Variants in ADGRB3 observed in about 807,000 individuals in gnomAD.
ADGRB3 encodes adhesion G protein-coupled receptor B3, also known as brain-specific angiogenesis inhibitor 3.
ADGRB3 carries 37 observed loss-of-function variants against 193.4 expected under a neutral mutation model. That is an observed-to-expected ratio of 0.19 (90% CI 0.15 to 0.25). The LOEUF is 0.25. ADGRB3 is among the 10% of genes least tolerant of loss of function. The pLI is 1.00. For synonymous variants in ADGRB3, 690 were observed against 644.2 expected (o/e 1.07, Z -1.08); for missense variants, 1,637 against 1,852.9 (o/e 0.88, Z 2.14).
At chr6:68,951,127 A>G (rs1218087545) in intron 6 of ADGRB3, among the ~76,000 whole-genome samples, 1 of 152,214 alleles carries the variant, frequency 6.6e-6, no homozygotes, top group East Asian at 1.9e-4. Flanking sequence ...TTTATTGCCA[A>G]AAATGAGACA....
chr6:68,920,301 T>C (rs2150241828), intron 3 of ADGRB3, among the ~76,000 whole-genome samples: 1 of 152,126 alleles, frequency 6.6e-6, no homozygotes, highest in South Asian at 2.1e-4. Flanking sequence ...GTGGATCACC[T>C]GAGGTCAGGA....
intron 4 of ADGRB3, among the ~76,000 whole-genome samples, chr6:68,935,444 AG>A (rs929853723): frequency 1.8e-4 from 28 of 152,334 alleles, no homozygotes; most frequent in Middle Eastern, 6.8e-3. Flanking sequence ...TCTATTCCAA[AG>A]GCAAATTATA....
rs1354674172 is a variant in ADGRB3 at position 68,772,892 on chromosome 6, AAAATATATATATATATATAT to A, written c.757+133462_757+133481del. On this transcript the variant is annotated intron_variant, in intron 3 of 31. Transcript: ENST00000370598. The stretch of plus-strand genomic sequence containing the variant: ...AAACAAACAAACAAACAAAAAAAAA[AAAATATATATATATATATAT>A]ATATATATATATATATATATACATA... Among the ~76,000 whole-genome samples the A allele has an allele frequency of 8.5e-3, 261 of 30,564 alleles. 3 individuals are homozygous for A. The highest frequency in any genetic ancestry group is 0.041 in the African/African-American group (250 of 6,166). The allele number at this position is 30,564 out of a possible 152,430, so 20.1% of individuals were successfully genotyped here.
At chr6:69,040,753 T>C (rs1771042393) in intron 13 of ADGRB3, among the ~76,000 whole-genome samples, 1 of 142,612 alleles carries the variant, frequency 7.0e-6, no homozygotes, top group African/African-American at 2.6e-5. Flanking sequence ...AATTTACAAG[T>C]TTATTTACCA....
At chr6:68,732,559 C>G (rs1765793676) in intron 3 of ADGRB3, among the ~76,000 whole-genome samples, 1 of 151,804 alleles carries the variant, frequency 6.6e-6, no homozygotes, top group African/African-American at 2.4e-5. Flanking sequence ...AAACAGGAAG[C>G]CTGAGAAATG....
At chr6:69,211,985 G>C (rs958208615) in intron 17 of ADGRB3, among the ~76,000 whole-genome samples, 1 of 152,068 alleles carries the variant, frequency 6.6e-6, no homozygotes, top group Non-Finnish European at 1.5e-5. Flanking sequence ...ATAAGCTCAA[G>C]TTTATACTTT....
At chr6:69,260,919 A>T (rs1277004734) in intron 20 of ADGRB3, among the ~76,000 whole-genome samples, 1 of 152,184 alleles carries the variant, frequency 6.6e-6, no homozygotes, top group Non-Finnish European at 1.5e-5. Flanking sequence ...ATCTCTCTGC[A>T]AATGGACCAA....
At chr6:68,681,399 C>T (rs1764893546) in intron 3 of ADGRB3, among the ~76,000 whole-genome samples, 1 of 152,100 alleles carries the variant, frequency 6.6e-6, no homozygotes, top group African/African-American at 2.4e-5. Flanking sequence ...CCCACCTCAG[C>T]CCCCCATGCA....
At chr6:69,249,071 G>A (rs773640093) in intron 20 of ADGRB3, among the ~76,000 whole-genome samples, 8 of 152,200 alleles carry the variant, frequency 5.3e-5, no homozygotes, top group Admixed American at 1.3e-4. Context: ...TCCGCCTCCC[G>A]GGTTCAAGCA....
chr6:68,798,663 C>CCCAG (rs1767258024), intron 3 of ADGRB3, among the ~76,000 whole-genome samples: 1 of 152,036 alleles, frequency 6.6e-6, no homozygotes, highest in Non-Finnish European at 1.5e-5. Flanking sequence ...GCACGTGTAC[C>CCCAG]CCAGAACTTA....
chr6:69,327,782 T>G lies in ADGRB3; in HGVS notation c.2966-38T>G, dbSNP rs541789943. On this transcript the variant is annotated intron_variant, in intron 21 of 31. Transcript: ENST00000370598. Reference sequence around the variant, plus strand: ...CTTAGACCAGTATGCATAGTGGTTATAGCTAAATATGAATGCGTGACATTG... The same window carrying G: ...CTTAGACCAGTATGCATAGTGGTTAGAGCTAAATATGAATGCGTGACATTG... 6 of 1,591,322 alleles carry G rather than the reference T, an allele frequency of 3.8e-6. No individual in the cohort carries two copies. In the South Asian group the frequency reaches 6.7e-5, roughly 18 times the overall value.
rs185047093 is a variant in ADGRB3, at chr6:69,238,754, A to G, written c.2712-370A>G. On this transcript the variant is annotated intron_variant, in intron 19 of 31. Coordinates refer to ENST00000370598, the MANE Select transcript of ADGRB3 (RefSeq NM_001704.3). ...TAATGCTAAACATACATACACACAT[A>G]CACACACACGTATATAAAGGTATTA... 2.6e-5 allele frequency among the ~76,000 whole-genome samples: 4 copies of G among 152,050 alleles called. No individual in the cohort carries two copies. In the East Asian group the frequency reaches 7.7e-4, roughly 29 times the overall value.
intron 17 of ADGRB3, among the ~76,000 whole-genome samples, chr6:69,171,000 G>T (rs1447503800): frequency 1.3e-5 from 2 of 152,046 alleles, no homozygotes; most frequent in African/African-American, 4.8e-5. Flanking sequence ...AAAGAAAAAA[G>T]TTATTTTAAA....
chr6:68,856,722 G>A (rs1764995647), intron 3 of ADGRB3, among the ~76,000 whole-genome samples: 3 of 152,190 alleles, frequency 2.0e-5, no homozygotes, highest in Non-Finnish European at 4.4e-5. Flanking sequence ...CATTTTCTGG[G>A]GAGAAATTCA....
chr6:69,206,977 C>A (rs1765552788), intron 17 of ADGRB3, among the ~76,000 whole-genome samples: 2 of 152,166 alleles, frequency 1.3e-5, no homozygotes, highest in South Asian at 4.1e-4. Context: ...CCAAGAGACA[C>A]CCTAAAGGAT....
At chr6:68,664,750 T>C (rs1768757491) in intron 3 of ADGRB3, among the ~76,000 whole-genome samples, 2 of 151,804 alleles carry the variant, frequency 1.3e-5, no homozygotes, top group African/African-American at 4.8e-5. Context: ...AGTGGTAGAA[T>C]GATGATTTGA....
intron 3 of ADGRB3, among the ~76,000 whole-genome samples, chr6:68,834,296 G>A (rs972638042): frequency 3.3e-5 from 5 of 152,180 alleles, no homozygotes; most frequent in Middle Eastern, 3.4e-3. Context: ...ACATCAGCAA[G>A]AGTGTATGTG....
intron 17 of ADGRB3, among the ~76,000 whole-genome samples, chr6:69,089,650 TATTTA>T (rs1384104885): frequency 2.6e-5 from 4 of 152,232 alleles, no homozygotes; most frequent in African/African-American, 9.6e-5. Context: ...CAATTCTACT[TATTTA>T]ATTTATCTTT....
intron 3 of ADGRB3, among the ~76,000 whole-genome samples, chr6:68,723,967 A>G (rs775654491): frequency 6.6e-6 from 1 of 151,688 alleles, no homozygotes; most frequent in Non-Finnish European, 1.5e-5. Flanking sequence ...TGCACAGGAC[A>G]ACCTTCCACA....
Sources: gnomAD v4.1 joint callset for allele counts (sites outside exome capture counted in the v4.1 genomes callset) on GRCh38, gnomAD v4.1.1 for gene constraint, MANE v1.5 for transcripts, NCBI Gene and HGNC (gene_info 2026-07-23, HGNC 2026-07-21) for gene names.